Variants in SPON1 observed in about 807,000 individuals in gnomAD.
The protein encoded by SPON1 is spondin-1.
In SPON1, 52 loss-of-function variants were observed where a neutral mutation model predicts 111.7. The ratio of observed to expected loss-of-function variants is 0.47; its 90% CI spans 0.37 to 0.59. The LOEUF (loss-of-function observed/expected upper bound fraction) is 0.59. Among genes scored for constraint, SPON1 ranks in the 20% least tolerant of loss-of-function variants. The pLI is 0.00. For missense variants in SPON1, 957 were observed against 1,068.5 expected (o/e 0.90, Z 1.46); for synonymous variants, 410 against 395.8 (o/e 1.04, Z -0.43).
intron 5 of SPON1, among the ~76,000 whole-genome samples, chr11:14,086,780 C>CT (rs1554922679): frequency 1.3e-5 from 2 of 152,056 alleles, no homozygotes; most frequent in Non-Finnish European, 2.9e-5. Context: ...TGGTCCTGGG[C>CT]TTTTTTTGGT....
At chr11:13,978,272 T>C (rs1264338552) in intron 1 of SPON1, among the ~76,000 whole-genome samples, 1 of 152,144 alleles carries the variant, frequency 6.6e-6, no homozygotes, top group Non-Finnish European at 1.5e-5. Context: ...AACCAGCTTG[T>C]CAATATCACA....
At chr11:14,256,986 C>T (rs1003750254) in intron 10 of SPON1, among the ~76,000 whole-genome samples, 5 of 152,172 alleles carry the variant, frequency 3.3e-5, no homozygotes, top group African/African-American at 9.7e-5. Context: ...CTCTCTGCTT[C>T]GATTCTCAGG....
At chr11:14,039,072 A>G (rs943399105) in intron 2 of SPON1, among the ~76,000 whole-genome samples, 2 of 152,236 alleles carry the variant, frequency 1.3e-5, no homozygotes, top group Non-Finnish European at 2.9e-5. Context: ...AATGCATATT[A>G]CTAAGTGAAA....
chr11:13,965,380 A>C (rs1407739956), intron 1 of SPON1, among the ~76,000 whole-genome samples: 1 of 152,192 alleles, frequency 6.6e-6, no homozygotes, highest in Non-Finnish European at 1.5e-5. Flanking sequence ...CTCTTTTCAC[A>C]CTAATCCTCC....
At chr11:14,225,899 G>A (rs4514376) in intron 6 of SPON1, among the ~76,000 whole-genome samples, 1 of 152,160 alleles carries the variant, frequency 6.6e-6, no homozygotes, top group East Asian at 1.9e-4. Context: ...GCACTTTCTT[G>A]CTGGGCCTAA....
intron 6 of SPON1, among the ~76,000 whole-genome samples, chr11:14,217,453 A>G (rs543671960): frequency 1.3e-5 from 2 of 152,226 alleles, no homozygotes; most frequent in Non-Finnish European, 2.9e-5. Flanking sequence ...AATATCTTCA[A>G]GAAACAAATG....
chr11:14,204,171 A>G (rs1209581934), intron 6 of SPON1, among the ~76,000 whole-genome samples: 2 of 152,238 alleles, frequency 1.3e-5, no homozygotes, highest in African/African-American at 4.8e-5. Flanking sequence ...AAATTGCTCC[A>G]TGGGCTCGGG....
intron 6 of SPON1, among the ~76,000 whole-genome samples, chr11:14,138,352 T>C (rs1554928379): frequency 6.6e-6 from 1 of 151,824 alleles, no homozygotes; most frequent in East Asian, 1.9e-4. Flanking sequence ...GTGGAAGTAT[T>C]AATAATAATA....
intron 5 of SPON1, among the ~76,000 whole-genome samples, chr11:14,102,977 C>T (rs1554924530): frequency 2.0e-5 from 3 of 152,114 alleles, no homozygotes; most frequent in Non-Finnish European, 4.4e-5. Flanking sequence ...CATTCTCTTT[C>T]GCTAGTTGTA....
chr11:14,219,443 G>A (rs1462346304), intron 6 of SPON1, among the ~76,000 whole-genome samples: 2 of 152,170 alleles, frequency 1.3e-5, no homozygotes, highest in Non-Finnish European at 1.5e-5. Flanking sequence ...TAAGAGTTGA[G>A]GGGAAAAATC....
intron 2 of SPON1, among the ~76,000 whole-genome samples, chr11:14,024,718 G>A (rs1374713971): frequency 1.3e-5 from 2 of 152,314 alleles, no homozygotes; most frequent in African/African-American, 2.4e-5. Flanking sequence ...AAGAGTGCCT[G>A]TTCTCTCTTA....
chr11:14,187,629 T>G (rs781815711), intron 6 of SPON1, among the ~76,000 whole-genome samples: 11 of 152,160 alleles, frequency 7.2e-5, no homozygotes, highest in Non-Finnish European at 1.0e-4. Flanking sequence ...TGTTGTTGTT[T>G]TTTGAGTCAG....
At chr11:14,148,685 G>T (rs1847753414) in intron 6 of SPON1, among the ~76,000 whole-genome samples, 1 of 152,182 alleles carries the variant, frequency 6.6e-6, no homozygotes, top group Non-Finnish European at 1.5e-5. Flanking sequence ...CAGGACTTTT[G>T]ACTTCCCTCC....
chr11:14,102,545 A>G (rs1394320997), intron 5 of SPON1, among the ~76,000 whole-genome samples: 1 of 152,246 alleles, frequency 6.6e-6, no homozygotes, highest in African/African-American at 2.4e-5. Flanking sequence ...CATATCACAC[A>G]GCACAGTTTT....
chr11:14,112,567 C>T (rs1414075363), intron 5 of SPON1, among the ~76,000 whole-genome samples: 1 of 152,220 alleles, frequency 6.6e-6, no homozygotes, highest in Non-Finnish European at 1.5e-5. Flanking sequence ...ATGTAAAGCG[C>T]TCAGAAGAGC....
rs1052004966 is a variant in SPON1 at position 14,262,915 on chromosome 11, G to T, written c.2200G>T (p.Ala734Ser). ...CATCCAAAAGCTACGCTGGAGGGAG[G>T]CCCGAGAGAGCCGGCGGAGTGAGCA... ...PSIQKLRWRE[A>S]RESRRSEQLK... Residue 734 changes from alanine (A) to serine (S), a missense_variant, in exon 15 of 16, where the codon GCC (alanine) becomes TCC (serine). Physicochemically the swap from Ala to Ser is moderately conservative, Grantham distance 99. Coordinates refer to ENST00000576479, the MANE Select transcript of SPON1 (RefSeq NM_006108.4). The T allele has an allele frequency of 5.6e-6, 9 of 1,613,706 alleles. No individual in the cohort carries two copies. The East Asian group carries it at 8.9e-5, about 16-fold the overall frequency.
At chr11:14,158,124 G>C (rs1554930569) in intron 6 of SPON1, among the ~76,000 whole-genome samples, 1 of 152,098 alleles carries the variant, frequency 6.6e-6, no homozygotes, top group African/African-American at 2.4e-5. Context: ...TCTTCTAGCA[G>C]GCAGTTGGAG....
chr11:14,087,445 T>C (rs188927753), intron 5 of SPON1, among the ~76,000 whole-genome samples: 1 of 152,316 alleles, frequency 6.6e-6, no homozygotes, highest in East Asian at 1.9e-4. Flanking sequence ...TTCCATGTAG[T>C]TGTGTGGTTT....
intron 6 of SPON1, among the ~76,000 whole-genome samples, chr11:14,223,086 C>T (rs1554937744): frequency 1.3e-5 from 2 of 152,180 alleles, no homozygotes; most frequent in Non-Finnish European, 2.9e-5. Context: ...AAAAGTGGGC[C>T]GAGCATGGTG....
Sources: gnomAD v4.1 joint callset for allele counts (sites outside exome capture counted in the v4.1 genomes callset) on GRCh38, gnomAD v4.1.1 for gene constraint, MANE v1.5 for transcripts, NCBI Gene and HGNC (gene_info 2026-07-23, HGNC 2026-07-21) for gene names.